The following NRCAM variants were observed in gnomAD, a reference collection of about 807,000 sequenced individuals.
NRCAM encodes the protein neuronal cell adhesion molecule, also known as NgCAM-related cell adhesion molecule.
A neutral mutation model predicts 156.5 loss-of-function variants in NRCAM; 83 were observed. The observed-to-expected ratio is 0.53, with a 90% CI of 0.44 to 0.64. The LOEUF is 0.64. Among genes scored for constraint, NRCAM ranks in the 30% least tolerant of loss-of-function variants. NRCAM has a pLI of 0.00. For missense variants in NRCAM, 1,417 were observed against 1,597.3 expected (o/e 0.89, Z 1.92); for synonymous variants, 538 against 563.9 (o/e 0.95, Z 0.65).
chr7:108,208,009 C>T (rs1025015438), intron 12 of NRCAM, among the ~76,000 whole-genome samples: 2 of 152,020 alleles, frequency 1.3e-5, no homozygotes, highest in African/African-American at 4.8e-5. Context: ...AATTTAAATT[C>T]TGGACCAGGC....
intron 5 of NRCAM, 127 bp downstream of exon 5, chr7:108,237,625 C>T: frequency 1.7e-6 from 1 of 592,474 alleles, no homozygotes; most frequent in Non-Finnish European, 2.7e-6. Flanking sequence ...CTACAGTAAA[C>T]ACACATGCTT....
At chr7:108,200,615 T>C (rs1343283040) in intron 13 of NRCAM, among the ~76,000 whole-genome samples, 1 of 152,142 alleles carries the variant, frequency 6.6e-6, no homozygotes, top group Admixed American at 6.6e-5. Context: ...CAGTGATTCT[T>C]AGCACTTCTG....
intron 2 of NRCAM, among the ~76,000 whole-genome samples, chr7:108,325,551 A>T (rs2099059141): frequency 6.6e-6 from 1 of 151,496 alleles, no homozygotes; most frequent in Admixed American, 6.6e-5. Flanking sequence ...CTCTATGGAG[A>T]CTTCTTTGGC....
intron 32 of NRCAM, among the ~76,000 whole-genome samples, chr7:108,155,461 G>A (rs1214929071): frequency 1.3e-5 from 2 of 152,020 alleles, no homozygotes; most frequent in South Asian, 2.1e-4. Flanking sequence ...ATTGTGCAGT[G>A]GAAAGAAATG....
At chr7:108,193,456 T>C (rs1424921077) in intron 17 of NRCAM, among the ~76,000 whole-genome samples, 3 of 152,256 alleles carry the variant, frequency 2.0e-5, no homozygotes, top group East Asian at 1.9e-4. Flanking sequence ...CTATGTCAAA[T>C]TGAGGGTCTC....
intron 8 of NRCAM, among the ~76,000 whole-genome samples, chr7:108,228,018 G>C (rs1402313044): frequency 1.3e-5 from 2 of 152,100 alleles, no homozygotes; most frequent in African/African-American, 4.8e-5. Context: ...CCCGGGAAAA[G>C]GACTGTTTAA....
At chr7:108,178,190 C>G (rs1260299523) in intron 25 of NRCAM, 78 bp from the exon 26 acceptor site, 4 of 1,476,570 alleles carry the variant, frequency 2.7e-6, no homozygotes, top group Admixed American at 3.7e-5. Flanking sequence ...TCACCGTGCT[C>G]GCACGATTCA....
At chr7:108,292,539 C>A (rs2098333499) in intron 3 of NRCAM, among the ~76,000 whole-genome samples, 1 of 152,072 alleles carries the variant, frequency 6.6e-6, no homozygotes, top group African/African-American at 2.4e-5. Context: ...AGTAAAAAAT[C>A]ATCAAACCAG....
chr7:108,402,878 C>G (rs2099797009), intron 1 of NRCAM, among the ~76,000 whole-genome samples: 1 of 152,204 alleles, frequency 6.6e-6, no homozygotes, highest in Non-Finnish European at 1.5e-5. Flanking sequence ...CAAACCAGCT[C>G]TTTCTGGGAT....
chr7:108,422,378 TAAAAAAACAATGCC>T (rs1222910952), intron 1 of NRCAM, among the ~76,000 whole-genome samples: 7 of 152,030 alleles, frequency 4.6e-5, no homozygotes, highest in Non-Finnish European at 1.0e-4. Flanking sequence ...TTTCACACAT[TAAAAAAACAATGCC>T]AAAGAAACTA....
chr7:108,246,832 C>T (rs1370842114), intron 3 of NRCAM, among the ~76,000 whole-genome samples: 2 of 152,180 alleles, frequency 1.3e-5, no homozygotes, highest in Non-Finnish European at 2.9e-5. Flanking sequence ...ATTGGTGGCC[C>T]CAGGAAGCAC....
chr7:108,360,433 G>A (rs1163661994), intron 2 of NRCAM, among the ~76,000 whole-genome samples: 2 of 152,100 alleles, frequency 1.3e-5, no homozygotes, highest in Non-Finnish European at 2.9e-5. Context: ...GGGGTTGCAG[G>A]GTGGGGGATA....
intron 19 of NRCAM, among the ~76,000 whole-genome samples, chr7:108,190,661 TCTGA>T (rs1199007760): frequency 2.6e-5 from 4 of 152,226 alleles, no homozygotes; most frequent in African/African-American, 4.8e-5. Flanking sequence ...GGAAATGATT[TCTGA>T]CTTATTTTCC....
At chr7:108,277,202 A>C (rs973323955) in intron 3 of NRCAM, among the ~76,000 whole-genome samples, 2 of 152,008 alleles carry the variant, frequency 1.3e-5, no homozygotes, top group African/African-American at 4.8e-5. Flanking sequence ...TGAATCTGAC[A>C]ACTATGTGTC....
At chr7:108,187,262 T>C (rs1162741496) in intron 20 of NRCAM, among the ~76,000 whole-genome samples, 3 of 152,138 alleles carry the variant, frequency 2.0e-5, no homozygotes, top group Non-Finnish European at 4.4e-5. Flanking sequence ...CAATTCCCAC[T>C]CTACACACCC....
Position 108,187,066 on chromosome 7 carries a change from C to A in NRCAM, c.2036-2452G>T, listed in dbSNP as rs148325482. On this transcript the variant is annotated intron_variant, in intron 20 of 32. Coordinates refer to ENST00000379028, the MANE Select transcript of NRCAM (RefSeq NM_001037132.4). ...CCAAGGAAGGTACCCTGTGAATTCA[C>A]TGAAGTACCACAGGGCACTTCAGTG... Among the ~76,000 whole-genome samples the A allele has an allele frequency of 3.3e-3, 507 of 152,280 alleles. 5 individuals are homozygous for A. The highest frequency in any genetic ancestry group is 9.1e-3 in the South Asian group (44 of 4,824).
At chr7:108,217,126 C>G (rs1414645910) in intron 11 of NRCAM, among the ~76,000 whole-genome samples, 3 of 152,166 alleles carry the variant, frequency 2.0e-5, no homozygotes, top group African/African-American at 7.2e-5. Context: ...TTTGTTGATG[C>G]TGATGCTATT....
intron 2 of NRCAM, among the ~76,000 whole-genome samples, chr7:108,391,261 A>C (rs939854714): frequency 5.3e-5 from 8 of 152,070 alleles, no homozygotes; most frequent in Non-Finnish European, 1.2e-4. Context: ...GTGCTCCTGT[A>C]TTGGGTGCAT....
chr7:108,449,706 T>A (rs995310), intron 1 of NRCAM, among the ~76,000 whole-genome samples: 1 of 152,068 alleles, frequency 6.6e-6, no homozygotes, highest in Admixed American at 6.6e-5. Context: ...AATCATGCCA[T>A]TCAAATGCCA....
Sources: gnomAD v4.1 joint callset for allele counts (sites outside exome capture counted in the v4.1 genomes callset) on GRCh38, gnomAD v4.1.1 for gene constraint, MANE v1.5 for transcripts, NCBI Gene and HGNC (gene_info 2026-07-23, HGNC 2026-07-21) for gene names.